ITIH2: variants seen among roughly 807,000 people sequenced by gnomAD.
ITIH2 encodes the protein inter-alpha-trypsin inhibitor heavy chain 2.
Under a neutral mutation model 104.4 loss-of-function variants are expected in ITIH2, and 103 were observed. That is an observed-to-expected ratio of 0.99 (90% CI 0.84 to 1.16). ITIH2 has a LOEUF of 1.16. Ranked by LOEUF, ITIH2 falls within the 50% of genes most tolerant of loss-of-function variation. The pLI, the probability that ITIH2 is intolerant of heterozygous loss-of-function variation, is 0.00. For synonymous variants in ITIH2, 436 were observed against 435.4 expected, an observed-to-expected ratio of 1.00 and a Z score of -0.02; for missense variants, 1,108 against 1,162.4, an observed-to-expected ratio of 0.95 and a Z score of 0.68.
In ITIH2 at chr10:7,749,469, T is replaced by C. The variant is rs1432225403; in HGVS notation, c.*135T>C. 1 of 717,460 alleles carries C rather than the reference T, an allele frequency of 1.4e-6. No homozygotes were observed. Among genetic ancestry groups the C allele is most frequent in the Non-Finnish European group, 2.2e-6 (1 of 444,936 alleles). The allele number at this position is 717,460 out of a possible 1,614,324, so 44.4% of individuals were successfully genotyped here. A position where few individuals can be genotyped will look rare whatever the true frequency, so the allele number is the denominator to read the frequency against. On this transcript the variant is annotated 3_prime_UTR_variant, in exon 21 of 21. Coordinates refer to ENST00000358415, the MANE Select transcript of ITIH2 (RefSeq NM_002216.3). ...AATTAAAATGAACCAGATATCAGGG[T>C]GGTTTATAAAGCCTGTAAACACACC...
At chr10:7,715,617 AAAGCT>A (rs1834841049) in intron 5 of ITIH2, among the ~76,000 whole-genome samples, 1 of 152,138 alleles carries the variant, frequency 6.6e-6, no homozygotes, top group Non-Finnish European at 1.5e-5. Context: ...GCTCTGTCTC[AAAGCT>A]TTGCACGAGG....
At chr10:7,734,433 G>A (rs918020855) in intron 14 of ITIH2, among the ~76,000 whole-genome samples, 1 of 152,232 alleles carries the variant, frequency 6.6e-6, no homozygotes, top group South Asian at 2.1e-4. Context: ...CATGGCTCAT[G>A]CCTGTAATCC....
intron 12 of ITIH2, among the ~76,000 whole-genome samples, chr10:7,731,432 C>T (rs1251596947): frequency 6.6e-6 from 1 of 152,022 alleles, no homozygotes. Context: ...TGAAGAATCT[C>T]AGAGTAAAAT....
At chr10:7,740,498 C>G (rs78937374) in intron 16 of ITIH2, among the ~76,000 whole-genome samples, 9,676 of 152,262 alleles carry the variant, frequency 0.064, 446 homozygotes, top group East Asian at 0.25. Flanking sequence ...TTTCTGAGAG[C>G]CAGACACTAC....
chr10:7,735,109 G>T lies in ITIH2; in HGVS notation c.1957+18G>T. ...CTGCTCAGGTCAGGGCTGCACCTGT[G>T]GGGACAAGTGGCCAGGCAGCTCTCT... On this transcript the variant is annotated intron_variant, in intron 15 of 20. Coordinates refer to ENST00000358415, the MANE Select transcript of ITIH2 (RefSeq NM_002216.3). 2 of 1,589,432 alleles carry T rather than the reference G, an allele frequency of 1.3e-6. No individual in the cohort carries two copies. Among genetic ancestry groups the T allele is most frequent in the Non-Finnish European group, 1.7e-6 (2 of 1,171,746 alleles).
At chr10:7,713,050 G>C in intron 4 of ITIH2, 131 bp from the exon 5 acceptor site, 1 of 634,086 alleles carries the variant, frequency 1.6e-6, no homozygotes, top group Non-Finnish European at 2.7e-6. Flanking sequence ...AACCCAGGAG[G>C]TGGAGGTTGC....
At chr10:7,727,680 G>C in intron 10 of ITIH2, 23 bp from the exon 11 acceptor site, 1 of 1,612,938 alleles carries the variant, frequency 6.2e-7, no homozygotes, top group Non-Finnish European at 8.5e-7. Context: ...CATACCCAAC[G>C]TTTCATTATG....
chr10:7,744,169 T>C lies in ITIH2; in HGVS notation c.2297T>C (p.Phe766Ser). The C allele has an allele frequency of 6.2e-7, 1 of 1,614,124 alleles. No individual in the cohort carries two copies. Among genetic ancestry groups the C allele is most frequent in the East Asian group, 2.2e-5 (1 of 44,880 alleles). The change falls in exon 18 of 21, where the codon TTC becomes TCC. Residue 766 changes from phenylalanine (F) to serine (S), a missense_variant. Coordinates refer to ENST00000358415, the MANE Select transcript of ITIH2 (RefSeq NM_002216.3). ...STYFGKLGFY[F>S]QSEDIKIEIS... is the part of the protein sequence containing the mutation. Reference sequence around the variant, plus strand: ...TATTTTGGAAAACTGGGATTTTATTTCCAAAGTGAAGACATAAAAATAGAA... The same window carrying C: ...TATTTTGGAAAACTGGGATTTTATTCCCAAAGTGAAGACATAAAAATAGAA...
In ITIH2 at chr10:7,735,159, A is replaced by T; in HGVS notation, c.1957+68A>T. 4 of 1,427,562 alleles carry T rather than the reference A, an allele frequency of 2.8e-6. No individual in the cohort carries two copies. In the East Asian group the frequency reaches 9.9e-5, roughly 35 times the overall value. 88.4% of individuals were successfully genotyped at this position (1,427,562 alleles called of 1,614,324 possible). Reference sequence around the variant, plus strand: ...TTGCCCCGGGGGTGGGCGAAGTCCTAGTGCCTCCGCTCTCTCCCACCCCAG... The same window carrying T: ...TTGCCCCGGGGGTGGGCGAAGTCCTTGTGCCTCCGCTCTCTCCCACCCCAG... On this transcript the variant is annotated intron_variant, in intron 15 of 20. Transcript: ENST00000358415.
intron 2 of ITIH2, among the ~76,000 whole-genome samples, chr10:7,706,546 T>A (rs1178825474): frequency 6.6e-6 from 1 of 152,276 alleles, no homozygotes; most frequent in East Asian, 1.9e-4. Flanking sequence ...TACATGAAAA[T>A]CCCTGCTTTT....
chr10:7,713,708 T>C (rs1205654816), intron 5 of ITIH2, among the ~76,000 whole-genome samples: 1 of 151,974 alleles, frequency 6.6e-6, no homozygotes, highest in East Asian at 1.9e-4. Context: ...TTAATTGTAG[T>C]TGTTGTTGTT....
chr10:7,743,894 A>C (rs1835150293), intron 17 of ITIH2, among the ~76,000 whole-genome samples, 188 bp from the exon 18 acceptor site: 1 of 152,046 alleles, frequency 6.6e-6, no homozygotes, highest in South Asian at 2.1e-4. Context: ...TTTTATTAAA[A>C]TTTATAAATG....
chr10:7,730,090 C>G lies in ITIH2; in HGVS notation c.1418C>G (p.Ala473Gly). 1.2e-6 allele frequency: 2 copies of G among 1,611,152 alleles called. No individual in the cohort carries two copies. Among genetic ancestry groups the G allele is most frequent in the African/African-American group, 1.3e-5 (1 of 74,932 alleles). The change falls in exon 12 of 21, where the codon GCA becomes GGA. Residue 473 changes from alanine to glycine, a missense_variant. Physicochemically the swap from Ala to Gly is moderately conservative, Grantham distance 60. Coordinates refer to ENST00000358415, the MANE Select transcript of ITIH2 (RefSeq NM_002216.3). ...CTGTCCAATGAAAACCATGGAATTGCACAAAGGATTTATGGAAACCAGGAC... is the reference window on the plus strand; with the variant it reads ...CTGTCCAATGAAAACCATGGAATTGGACAAAGGATTTATGGAAACCAGGAC... Reference protein sequence around the residue: ...KRLSNENHGIAQRIYGNQDTS... With the variant: ...KRLSNENHGIGQRIYGNQDTS...
chr10:7,725,062 C>T (rs756074508), intron 9 of ITIH2, among the ~76,000 whole-genome samples: 14 of 152,122 alleles, frequency 9.2e-5, no homozygotes, highest in Non-Finnish European at 1.9e-4. Flanking sequence ...AAACGGATGC[C>T]TACCCTCTGT....
At chr10:7,744,057 A>C in intron 17 of ITIH2, 25 bp from the exon 18 acceptor site, 1 of 1,595,434 alleles carries the variant, frequency 6.3e-7, no homozygotes, top group Non-Finnish European at 8.6e-7. Flanking sequence ...CAGAAGAGAA[A>C]ACATCATTTT....
At chr10:7,713,705 T>C (rs1834819395) in intron 5 of ITIH2, among the ~76,000 whole-genome samples, 1 of 152,130 alleles carries the variant, frequency 6.6e-6, no homozygotes. Flanking sequence ...TTTTTAATTG[T>C]AGTTGTTGTT....
chr10:7,708,129 GTTAA>G (rs1441248413), intron 3 of ITIH2, among the ~76,000 whole-genome samples: 2 of 152,218 alleles, frequency 1.3e-5, no homozygotes, highest in East Asian at 3.8e-4. Flanking sequence ...GAGTTGCATG[GTTAA>G]TTAGTCGAAA....
At chr10:7,712,652 T>C (rs1438106007) in intron 4 of ITIH2, among the ~76,000 whole-genome samples, 1 of 152,184 alleles carries the variant, frequency 6.6e-6, no homozygotes, top group Admixed American at 6.5e-5. Context: ...GGTTTTAGGA[T>C]GGGAGCCTAC....
intron 1 of ITIH2, among the ~76,000 whole-genome samples, 163 bp from the exon 2 acceptor site, chr10:7,704,945 T>G (rs940465085): frequency 2.0e-5 from 3 of 151,588 alleles, no homozygotes; most frequent in Admixed American, 6.6e-5. Flanking sequence ...AGGGGAGGGA[T>G]AGCATTAGGA....
Sources: gnomAD v4.1 joint callset for allele counts (sites outside exome capture counted in the v4.1 genomes callset) on GRCh38, gnomAD v4.1.1 for gene constraint, MANE v1.5 for transcripts, NCBI Gene and HGNC (gene_info 2026-07-23, HGNC 2026-07-21) for gene names.